The following PRIM1 variants were observed in gnomAD, a reference collection of about 807,000 sequenced individuals.
The protein encoded by PRIM1 is DNA primase subunit 1.
Under a neutral mutation model 60.2 loss-of-function variants are expected in PRIM1, and 38 were observed. That is an observed-to-expected ratio of 0.63 (90% CI 0.49 to 0.83). The LOEUF is 0.83. Among genes scored for constraint, PRIM1 ranks in the 40% least tolerant of loss-of-function variants. The probability of loss-of-function intolerance (pLI) is 0.00; values close to 1 mark genes in which losing one functional copy is unlikely to be tolerated. For synonymous variants in PRIM1, 158 were observed against 160.2 expected, an observed-to-expected ratio of 0.99 and a Z score of 0.10; for missense variants, 388 against 506.2, an observed-to-expected ratio of 0.77 and a Z score of 2.24.
At chr12:56,741,609 A>C in intron 8 of PRIM1, 33 bp from the exon 9 acceptor site, 5 of 1,597,142 alleles carry the variant, frequency 3.1e-6, no homozygotes, top group Non-Finnish European at 4.3e-6. Flanking sequence ...CATGAGGATC[A>C]GTAGGAACTG....
chr12:56,734,330 C>T, intron 11 of PRIM1, 85 bp from the exon 12 acceptor site: 2 of 780,640 alleles, frequency 2.6e-6, no homozygotes, highest in Non-Finnish European at 2.0e-6. Context: ...TATAAGAATT[C>T]TCTAGGGCTG....
chr12:56,740,090 C>G (rs757963078), intron 9 of PRIM1, among the ~76,000 whole-genome samples: 1 of 151,664 alleles, frequency 6.6e-6, no homozygotes, highest in Admixed American at 6.6e-5. Context: ...GAGCCAAGAT[C>G]GCGCCACTGT....
chr12:56,732,427 T>C (rs770411934), intron 12 of PRIM1, among the ~76,000 whole-genome samples: 2 of 152,230 alleles, frequency 1.3e-5, no homozygotes, highest in African/African-American at 2.4e-5. Flanking sequence ...AGATCTCCAG[T>C]GCTACTGTTC....
chr12:56,739,381 T>A lies in PRIM1; in HGVS notation c.983-18A>T. On this transcript the variant is annotated intron_variant, in intron 9 of 12. Coordinates refer to ENST00000338193, the MANE Select transcript of PRIM1 (RefSeq NM_000946.3). ...TATGCGACCTGTAAGACACAAAAGT[T>A]ATAAACTGATGATTGTGGACTATAA... is the stretch of plus-strand genomic sequence containing the variant. 6.7e-7 allele frequency: 1 copy of A among 1,493,532 alleles called. No homozygotes were observed. The highest frequency in any genetic ancestry group is 1.3e-5 in the South Asian group (1 of 78,786). The allele number at this position is 1,493,532 out of a possible 1,614,324, so 92.5% of individuals were successfully genotyped here.
chr12:56,733,450 C>T (rs1428371358), intron 12 of PRIM1, among the ~76,000 whole-genome samples: 2 of 151,236 alleles, frequency 1.3e-5, no homozygotes, highest in Non-Finnish European at 3.0e-5. Flanking sequence ...TGAGCCACTG[C>T]ACCCGGCTAG....
rs777035894 is a variant in PRIM1 at position 56,734,168 on chromosome 12, CT to C, written c.1221del (p.Gly408GlufsTer?). 6.2e-7 allele frequency: 1 copy of C among 1,605,356 alleles called. No individual in the cohort carries two copies. The highest frequency in any genetic ancestry group is 1.1e-5 in the South Asian group (1 of 90,760). On this transcript the variant is annotated frameshift_variant, in exon 12 of 13. Coordinates refer to ENST00000338193, the MANE Select transcript of PRIM1 (RefSeq NM_000946.3). LOFTEE classifies it high-confidence loss of function. Reference protein sequence around the residue: ...HFLENLDKSRKGELLKKSDLQ... With the variant: ...HFLENLDKSRXGELLKKSDLQ... ...TTACCACTCTTCTTAAGAAGTTCTC[CT>C]TTTCGGGATTTATCCAGATTTTCAA...
intron 4 of PRIM1, 43 bp downstream of exon 4, chr12:56,746,738 C>T (rs763801569): frequency 1.2e-5 from 19 of 1,566,740 alleles, no homozygotes; most frequent in Admixed American, 3.4e-5. Flanking sequence ...AGAGGAAAAC[C>T]GATTCTTACA....
chr12:56,744,867 G>A (rs1368345148), intron 5 of PRIM1, among the ~76,000 whole-genome samples: 3 of 152,000 alleles, frequency 2.0e-5, no homozygotes, highest in Non-Finnish European at 1.5e-5. Flanking sequence ...TGAGGCGGGC[G>A]GATCACCTGA....
rs545816924 is a variant in PRIM1 at position 56,745,897 on chromosome 12, C to T, written c.579+148G>A. 81 of 781,148 alleles carry T rather than the reference C, an allele frequency of 1.0e-4. No individual in the cohort carries two copies. The African/African-American group carries it at 1.3e-3, about 13-fold the overall frequency. 48.4% of individuals were successfully genotyped at this position (781,148 alleles called of 1,614,324 possible). On this transcript the variant is annotated intron_variant, in intron 5 of 12. Transcript: ENST00000338193. ...GAGCTTGCAGTGAGCCAAGATCATG[C>T]CATTGCAGTCCAGCCTGGGCAACAG...
chr12:56,739,848 T>TA (rs1464964731), intron 9 of PRIM1, among the ~76,000 whole-genome samples: 2 of 151,918 alleles, frequency 1.3e-5, no homozygotes, highest in Non-Finnish European at 2.9e-5. Flanking sequence ...TATTTCTCTT[T>TA]AAAAAACCAG....
chr12:56,744,581 A>C (rs144070442), intron 5 of PRIM1, among the ~76,000 whole-genome samples: 2 of 152,288 alleles, frequency 1.3e-5, no homozygotes, highest in East Asian at 3.9e-4. Flanking sequence ...ATGTTTAGCT[A>C]CATCAGTACC....
chr12:56,735,805 G>A lies in PRIM1; in HGVS notation c.1145-1560C>T, dbSNP rs180734074. Reference sequence around the variant, plus strand: ...AGCTAGGATTATAGGCGCCCGCCACGACGCCCAGATAATTTTTGTATTTTT... The same window carrying A: ...AGCTAGGATTATAGGCGCCCGCCACAACGCCCAGATAATTTTTGTATTTTT... On this transcript the variant is annotated intron_variant, in intron 11 of 12. Coordinates refer to ENST00000338193, the MANE Select transcript of PRIM1 (RefSeq NM_000946.3). 3.6e-3 allele frequency among the ~76,000 whole-genome samples: 545 copies of A among 150,890 alleles called. 5 individuals carry two copies. The highest frequency in any genetic ancestry group is 0.017 in the East Asian group (83 of 4,970).
chr12:56,733,000 G>T (rs1237373072), intron 12 of PRIM1, among the ~76,000 whole-genome samples: 24 of 138,926 alleles, frequency 1.7e-4, no homozygotes, highest in East Asian at 6.9e-4. Flanking sequence ...GATTACAGGC[G>T]CACAATACCA....
chr12:56,739,353 A>G lies in PRIM1; in HGVS notation c.993T>C (p.Ser331=), dbSNP rs1311616251. 1 of 1,579,366 alleles carries G rather than the reference A, an allele frequency of 6.3e-7. No individual in the cohort carries two copies. The highest frequency in any genetic ancestry group is 8.6e-7 in the Non-Finnish European group (1 of 1,156,856). ...CCACTTTCTGCAAATCAATAGGCAC[A>G]GATATGCGACCTGTAAGACACAAAA... The part of the protein sequence containing the change: ...FSVHPKTGRI[S]VPIDLQKVDQ... The change falls in exon 10 of 13, where the codon TCT becomes TCC. Residue 331 remains serine, a synonymous_variant. Transcript: ENST00000338193.
intron 11 of PRIM1, among the ~76,000 whole-genome samples, chr12:56,734,767 G>C (rs928974711): frequency 2.4e-5 from 3 of 127,634 alleles, no homozygotes; most frequent in Non-Finnish European, 4.8e-5. Context: ...TTTCATACAA[G>C]TCTTTTATAT....
rs575628338 is a variant in PRIM1 at position 56,748,595 on chromosome 12, C to A, written c.262-1563G>T. 2.6e-5 allele frequency among the ~76,000 whole-genome samples: 4 copies of A among 151,280 alleles called. No homozygotes were observed. In the South Asian group the frequency reaches 8.4e-4, roughly 32 times the overall value. ...TGAGCCGAGATCATGCCACTGCACT[C>A]CAGCCTGGATGACAGAGCGAGACTC... is the stretch of plus-strand genomic sequence containing the variant. On this transcript the variant is annotated intron_variant, in intron 2 of 12. Transcript: ENST00000338193.
At chr12:56,740,855 C>T (rs187414080) in intron 9 of PRIM1, among the ~76,000 whole-genome samples, 1 of 151,842 alleles carries the variant, frequency 6.6e-6, no homozygotes, top group Admixed American at 6.6e-5. Flanking sequence ...ACTCTGTTGC[C>T]CAGGCTGGAG....
intron 6 of PRIM1, among the ~76,000 whole-genome samples, chr12:56,743,308 G>C (rs928920632): frequency 6.6e-6 from 1 of 152,184 alleles, no homozygotes; most frequent in Non-Finnish European, 1.5e-5. Flanking sequence ...ACCTGGCACA[G>C]AATGGGTATA....
chr12:56,733,369 G>A (rs1383627919), intron 12 of PRIM1, among the ~76,000 whole-genome samples: 5 of 151,604 alleles, frequency 3.3e-5, no homozygotes, highest in Admixed American at 3.3e-4. Flanking sequence ...ATGTTGGCTA[G>A]GCTTGTTTTG....
Sources: gnomAD v4.1 joint callset for allele counts (sites outside exome capture counted in the v4.1 genomes callset) on GRCh38, gnomAD v4.1.1 for gene constraint, MANE v1.5 for transcripts, NCBI Gene and HGNC (gene_info 2026-07-23, HGNC 2026-07-21) for gene names.